RYR3: variants seen among roughly 807,000 people sequenced by gnomAD.
RYR3 encodes brain ryanodine receptor-calcium release channel.
RYR3 carries 207 observed loss-of-function variants against 584.3 expected under a neutral mutation model. That is an observed-to-expected ratio of 0.35 (90% CI 0.32 to 0.40). The LOEUF (loss-of-function observed/expected upper bound fraction) is 0.40. RYR3 is among the 10% of genes least tolerant of loss of function. The probability of loss-of-function intolerance (pLI) is 1.00; values close to 1 mark genes in which losing one functional copy is unlikely to be tolerated. For missense variants in RYR3, 5,616 were observed against 6,089.2 expected (o/e 0.92, Z 2.59); for synonymous variants, 2,416 against 2,248.5 (o/e 1.07, Z -2.11).
intron 10 of RYR3, among the ~76,000 whole-genome samples, chr15:33,554,618 AC>A (rs1555525634): frequency 1.3e-5 from 2 of 152,176 alleles, no homozygotes; most frequent in Non-Finnish European, 2.9e-5. Flanking sequence ...CTTTACAGAA[AC>A]ATCCTGCCAT....
At chr15:33,695,793 T>A (rs7162206) in intron 38 of RYR3, among the ~76,000 whole-genome samples, 42,578 of 148,332 alleles carry the variant, frequency 0.29, 6,243 homozygotes, top group Admixed American at 0.39. Context: ...AAAAAAAAAA[T>A]TTTTTTTTTT....
Position 33,825,655 on chromosome 15 carries a change from A to G in RYR3, c.11125A>G (p.Met3709Val). 2 of 1,514,470 alleles carry G rather than the reference A, an allele frequency of 1.3e-6. No homozygotes were observed. The highest frequency in any genetic ancestry group is 2.2e-5 in the South Asian group (2 of 89,558). 93.8% of individuals were successfully genotyped at this position (1,514,470 alleles called of 1,614,324 possible). Residue 3709 changes from methionine (M) to valine (V), a missense_variant, in exon 82 of 104, where the codon ATG becomes GTG. Met to Val is a conservative substitution (Grantham distance 21). This residue lies in a region of RYR3 where 954 missense variants were observed against 1,132.2 expected (regional missense o/e 0.84). Transcript: ENST00000634891. Reference protein sequence around the residue: ...ERQNKAEGLGMVTEEGTLIVR... With the variant: ...ERQNKAEGLGVVTEEGTLIVR... ...GCAGAATAAAGCTGAAGGCCTGGGG[A>G]TGGTGACTGAAGAAGGAACACGTAA...
At chr15:33,860,687 G>A (rs1887857949) in intron 101 of RYR3, 28 bp downstream of exon 101, 2 of 1,481,316 alleles carry the variant, frequency 1.4e-6, no homozygotes, top group Admixed American at 2.0e-5. Flanking sequence ...ACTAATCCCA[G>A]CTCTATTTTA....
chr15:33,748,712 C>T (rs1039426908), intron 55 of RYR3, among the ~76,000 whole-genome samples, 182 bp downstream of exon 55: 1 of 152,154 alleles, frequency 6.6e-6, no homozygotes, highest in African/African-American at 2.4e-5. Flanking sequence ...ACCAATCCTC[C>T]AAGGGGAGGC....
rs139021402 is a variant in RYR3, at chr15:33,454,309, T to C, written c.52-19110T>C. Among the ~76,000 whole-genome samples, 288 of 152,348 alleles carry C rather than the reference T, an allele frequency of 1.9e-3. 3 individuals are homozygous for C. Among genetic ancestry groups the C allele is most frequent in the East Asian group, 0.015 (76 of 5,180 alleles). ...GCTTGTAAAACTGTTTAAACCTGAC[T>C]GTTATCCCACTGCAGGTAACACTGA... On this transcript the variant is annotated intron_variant, in intron 1 of 103. Coordinates refer to ENST00000634891, the MANE Select transcript of RYR3 (RefSeq NM_001036.6).
At chr15:33,619,850 G>C (rs754845780) in intron 19 of RYR3, among the ~76,000 whole-genome samples, 15 of 152,150 alleles carry the variant, frequency 9.9e-5, no homozygotes, top group Non-Finnish European at 1.8e-4. Flanking sequence ...CAGTGCTATT[G>C]TCAGGTAGCA....
intron 6 of RYR3, 67 bp from the exon 7 acceptor site, chr15:33,540,724 G>A: frequency 1.1e-6 from 1 of 928,778 alleles, no homozygotes; most frequent in Non-Finnish European, 1.8e-6. Context: ...TGAAGTTCTA[G>A]GTGAGCTGTT....
At chr15:33,535,189 T>C (rs1401494677) in intron 5 of RYR3, among the ~76,000 whole-genome samples, 2 of 152,238 alleles carry the variant, frequency 1.3e-5, no homozygotes, top group Admixed American at 6.5e-5. Flanking sequence ...GCCTATGTTG[T>C]TATTCTAAAG....
At chr15:33,623,251 T>C (rs1017902096) in intron 19 of RYR3, among the ~76,000 whole-genome samples, 2 of 152,220 alleles carry the variant, frequency 1.3e-5, no homozygotes, top group Non-Finnish European at 2.9e-5. Flanking sequence ...GTCTCCACAG[T>C]GTAACATTTT....
intron 3 of RYR3, among the ~76,000 whole-genome samples, chr15:33,512,256 T>C (rs2053100100): frequency 1.3e-5 from 2 of 152,210 alleles, no homozygotes; most frequent in African/African-American, 4.8e-5. Context: ...TCCATGAGGC[T>C]GGAATTCATG....
chr15:33,806,593 A>C (rs2076224766), intron 69 of RYR3, among the ~76,000 whole-genome samples: 1 of 152,182 alleles, frequency 6.6e-6, no homozygotes, highest in Non-Finnish European at 1.5e-5. Flanking sequence ...TAATCTTAGC[A>C]ATATGTGACA....
At chr15:33,850,785 C>T (rs2079049070) in intron 94 of RYR3, 1 of 152,062 alleles carries the variant, frequency 6.6e-6, no homozygotes, top group East Asian at 1.9e-4. Context: ...TAAAAATCCC[C>T]TGTATTATCC....
chr15:33,733,245 G>GT (rs1433780839), intron 48 of RYR3, among the ~76,000 whole-genome samples: 1 of 152,080 alleles, frequency 6.6e-6, no homozygotes, highest in African/African-American at 2.4e-5. Context: ...TTACTCCTTG[G>GT]TTTTTTTACC....
At chr15:33,434,151 C>A (rs2045453189) in intron 1 of RYR3, among the ~76,000 whole-genome samples, 1 of 152,194 alleles carries the variant, frequency 6.6e-6, no homozygotes, top group South Asian at 2.1e-4. Context: ...TTGATGATAT[C>A]ATCAAGGTCT....
chr15:33,683,621 A>G (rs2064787623), intron 38 of RYR3, among the ~76,000 whole-genome samples: 1 of 152,160 alleles, frequency 6.6e-6, no homozygotes, highest in South Asian at 2.1e-4. Flanking sequence ...GGTTCATCTC[A>G]CTGGGACTGG....
intron 22 of RYR3, among the ~76,000 whole-genome samples, chr15:33,630,790 T>C (rs1380766490): frequency 1.3e-5 from 2 of 152,248 alleles, no homozygotes; most frequent in Non-Finnish European, 2.9e-5. Flanking sequence ...AGGCATATAA[T>C]TGTAATGCAA....
chr15:33,800,919 T>A (rs1361084826), intron 68 of RYR3, 62 bp downstream of exon 68: 2 of 1,219,332 alleles, frequency 1.6e-6, no homozygotes, highest in Middle Eastern at 1.9e-4. Context: ...CGTGGAAAAC[T>A]GTTGATGAAA....
chr15:33,704,184 G>A (rs865935634), intron 42 of RYR3, among the ~76,000 whole-genome samples: 15 of 151,474 alleles, frequency 9.9e-5, no homozygotes, highest in Middle Eastern at 3.4e-3. Flanking sequence ...TGAGGCAGGA[G>A]AATTGTTTGA....
intron 13 of RYR3, among the ~76,000 whole-genome samples, chr15:33,580,711 G>A (rs765197649): frequency 3.9e-5 from 6 of 152,146 alleles, no homozygotes; most frequent in Non-Finnish European, 8.8e-5. Flanking sequence ...TTCCAGACTC[G>A]GAGATGTGAT....
Sources: allele counts gnomAD v4.1 joint callset (sites outside exome capture counted in the v4.1 genomes callset), GRCh38; gene constraint gnomAD v4.1.1; regional missense constraint gnomAD v4.1.1; transcripts MANE v1.5; gene names NCBI Gene and HGNC (gene_info 2026-07-23, HGNC 2026-07-21).